The following TOR3A variants were observed in gnomAD, a reference collection of about 807,000 sequenced individuals.
The protein encoded by TOR3A is torsin-3A.
A neutral mutation model predicts 42.1 loss-of-function variants in TOR3A; 44 were observed. The ratio of observed to expected loss-of-function variants is 1.04; its 90% CI spans 0.82 to 1.34. TOR3A has a LOEUF of 1.34. TOR3A is among the 40% of genes most tolerant of loss of function. The pLI is 0.00. For missense variants in TOR3A, 521 were observed against 507.6 expected (o/e 1.03, Z -0.25); for synonymous variants, 227 against 213.2 (o/e 1.06, Z -0.57).
At chr1:179,085,962 G>A in intron 3 of TOR3A, 69 bp downstream of exon 3, 1 of 1,560,636 alleles carries the variant, frequency 6.4e-7, no homozygotes, top group Non-Finnish European at 8.7e-7. Context: ...GCCCTTCCTT[G>A]CAAGGAAATG....
At position 179,087,949 on chromosome 1, in the gene TOR3A, C is replaced by T. The variant is rs1652478257; in HGVS notation, c.678C>T (p.Leu226=). Residue 226 remains leucine (L), a synonymous_variant, in exon 4 of 6, where the codon CTC becomes CTT. Transcript: ENST00000367627. ...GCCAGATCCGGGAGACGCAGCAGCT[C>T]TGCCACCAGACCCTGTTCATCTTCG... ...LMSQIRETQQ[L]CHQTLFIFDE... is the part of the protein sequence containing the mutation. 1 of 1,607,736 alleles carries T rather than the reference C, an allele frequency of 6.2e-7. No individual in the cohort carries two copies. Among genetic ancestry groups the T allele is most frequent in the African/African-American group, 1.3e-5 (1 of 74,632 alleles).
chr1:179,082,901 G>A, intron 1 of TOR3A, 39 bp from the exon 2 acceptor site: 3 of 1,376,398 alleles, frequency 2.2e-6, no homozygotes, highest in Non-Finnish European at 3.0e-6. Context: ...TAGAGCACCG[G>A]ATGGTCTCCT....
At position 179,086,493 on chromosome 1, in the gene TOR3A, C is replaced by T. The variant is rs752308301; in HGVS notation, c.639+600C>T. The stretch of plus-strand genomic sequence containing the variant: ...CATCCTGGCTAACACGGTGAAACCC[C>T]GTCTCTACTAAAAATACAAAAACTT... On this transcript the variant is annotated intron_variant, in intron 3 of 5. Transcript: ENST00000367627. Among the ~76,000 whole-genome samples the T allele has an allele frequency of 7.3e-4, 111 of 152,046 alleles. 1 individual carries two copies. The highest frequency in any genetic ancestry group is 2.8e-4 in the Non-Finnish European group (19 of 68,002).
Position 179,090,106 on chromosome 1 carries a change from C to CG in TOR3A, c.818+2021dup, listed in dbSNP as rs1454052216. ...CTGTCCGAGGCCATGTGGTTGTGGG[C>CG]GGGGTGGGGGGGGGGGCCTGCGGGA... On this transcript the variant is annotated intron_variant, in intron 4 of 5. Coordinates refer to ENST00000367627, the MANE Select transcript of TOR3A (RefSeq NM_022371.4). Among the ~76,000 whole-genome samples, 115 of 17,628 alleles carry CG rather than the reference C, an allele frequency of 6.5e-3. 1 individual carries two copies. The highest frequency in any genetic ancestry group is 0.033 in the African/African-American group (108 of 3,302). The allele number at this position is 17,628 out of a possible 152,430, so 11.6% of individuals were successfully genotyped here. A position where few individuals can be genotyped will look rare whatever the true frequency, so the allele number is the denominator to read the frequency against.
At chr1:179,083,610 C>T (rs2102541212) in intron 2 of TOR3A, among the ~76,000 whole-genome samples, 1 of 142,046 alleles carries the variant, frequency 7.0e-6, no homozygotes, top group African/African-American at 2.5e-5. Context: ...CGGGTTTCAC[C>T]ATGTTGGCCA....
rs918747424 is a variant in TOR3A at position 179,082,597 on chromosome 1, C to A, written c.259+210C>A. ...CCCCACCCGCGTCCCCTGCGCACCCCCCTGGCGCCCGGCTTCCCGTCCCCC... is the reference window on the plus strand; with the variant it reads ...CCCCACCCGCGTCCCCTGCGCACCCACCTGGCGCCCGGCTTCCCGTCCCCC... On this transcript the variant is annotated intron_variant, in intron 1 of 5. Transcript: ENST00000367627. The A allele has an allele frequency of 1.4e-5, 11 of 779,958 alleles. No individual in the cohort carries two copies. In the East Asian group the frequency reaches 2.1e-4, roughly 15 times the overall value. The allele number at this position is 779,958 out of a possible 1,614,324, so 48.3% of individuals were successfully genotyped here. A position where few individuals can be genotyped will look rare whatever the true frequency, so the allele number is the denominator to read the frequency against.
intron 5 of TOR3A, 56 bp downstream of exon 5, chr1:179,094,273 G>GTGTT (rs1489804211): frequency 1.3e-6 from 2 of 1,570,308 alleles, no homozygotes; most frequent in African/African-American, 1.4e-5. Context: ...GATAATTAAT[G>GTGTT]TGTTTGTTGG....
At chr1:179,092,313 T>TG (rs2102546233) in intron 4 of TOR3A, among the ~76,000 whole-genome samples, 3 of 152,272 alleles carry the variant, frequency 2.0e-5, no homozygotes, top group South Asian at 4.1e-4. Flanking sequence ...GTAGGTGTCA[T>TG]GGGGGCTTTC....
chr1:179,082,070 G>A lies in TOR3A; in HGVS notation c.-59G>A, dbSNP rs1427279036. The stretch of plus-strand genomic sequence containing the variant: ...AGTGCGGTCCCCGCCTGACCGCCCC[G>A]GGCTTAAGGGAGCCTGGCTAGGCCG... On this transcript the variant is annotated 5_prime_UTR_variant, in exon 1 of 6. Transcript: ENST00000367627. 2.2e-5 allele frequency: 31 copies of A among 1,400,858 alleles called. No individual in the cohort carries two copies. Among genetic ancestry groups the A allele is most frequent in the Non-Finnish European group, 2.8e-5 (30 of 1,087,896 alleles). The allele number at this position is 1,400,858 out of a possible 1,614,324, so 86.8% of individuals were successfully genotyped here.
chr1:179,093,371 C>G (rs753502288), intron 4 of TOR3A, among the ~76,000 whole-genome samples: 1 of 152,224 alleles, frequency 6.6e-6, no homozygotes, highest in Non-Finnish European at 1.5e-5. Flanking sequence ...TAAAACCAAA[C>G]TTTCATCTCC....
intron 2 of TOR3A, 25 bp downstream of exon 2, chr1:179,083,078 G>A (rs766460817): frequency 7.1e-7 from 1 of 1,412,280 alleles, no homozygotes; most frequent in Admixed American, 2.6e-5. Context: ...GGCTTCAAGG[G>A]GCTAGGGATC....
At position 179,085,754 on chromosome 1, in the gene TOR3A, G is replaced by T; in HGVS notation, c.500G>T (p.Gly167Val). The change falls in exon 3 of 6, where the codon GGC becomes GTC. Residue 167 changes from glycine (G) to valine (V), a missense_variant. Coordinates refer to ENST00000367627, the MANE Select transcript of TOR3A (RefSeq NM_022371.4). ...PEKALALSFH[G>V]WSGTGKNFVA... ...AAGGCCCTTGCTCTGTCGTTCCACG[G>T]CTGGTCTGGCACAGGCAAGAACTTC... 3 of 1,614,134 alleles carry T rather than the reference G, an allele frequency of 1.9e-6. No homozygotes were observed. Among genetic ancestry groups the T allele is most frequent in the South Asian group, 1.1e-5 (1 of 91,090 alleles).
Position 179,088,074 on chromosome 1 carries a change from T to C in TOR3A, c.803T>C (p.Ile268Thr). ...CACAGGGCTGAGTCTCCATGGACTA[T>C]CTTTCTGTTTCTCAGGTGGGTTCTG... is the stretch of plus-strand genomic sequence containing the variant. ...EGHRAESPWT[I>T]FLFLSNLRGD... Residue 268 changes from isoleucine (I) to threonine (T), a missense_variant, in exon 4 of 6, where the codon ATC becomes ACC. By Grantham distance (89) the Ile-to-Thr change is moderately conservative (BLOSUM62 -1). Transcript: ENST00000367627. 3.1e-6 allele frequency: 5 copies of C among 1,591,100 alleles called. No homozygotes were observed. In the South Asian group the frequency reaches 4.5e-5, roughly 14 times the overall value.
At position 179,087,939 on chromosome 1, in the gene TOR3A, C is replaced by T. The variant is rs778710743; in HGVS notation, c.668C>T (p.Thr223Met). 25 of 1,601,642 alleles carry T rather than the reference C, an allele frequency of 1.6e-5. No homozygotes were observed. In the African/African-American group the frequency reaches 2.0e-4, roughly 13 times the overall value. The change falls in exon 4 of 6, where the codon ACG (threonine) becomes ATG (methionine). Residue 223 changes from threonine to methionine, a missense_variant. By Grantham distance (81) the Thr-to-Met change is moderately conservative. Coordinates refer to ENST00000367627, the MANE Select transcript of TOR3A (RefSeq NM_022371.4). ...CAGCTGATGAGCCAGATCCGGGAGA[C>T]GCAGCAGCTCTGCCACCAGACCCTG... Reference protein sequence around the residue: ...KEQLMSQIRETQQLCHQTLFI... With the variant: ...KEQLMSQIREMQQLCHQTLFI...
intron 4 of TOR3A, among the ~76,000 whole-genome samples, chr1:179,093,232 C>T (rs1261690373): frequency 6.6e-6 from 1 of 152,178 alleles, no homozygotes; most frequent in Non-Finnish European, 1.5e-5. Flanking sequence ...ATCTTCTCTC[C>T]TTATCCCCTT....
chr1:179,092,718 G>T (rs1652623691), intron 4 of TOR3A, among the ~76,000 whole-genome samples: 1 of 152,178 alleles, frequency 6.6e-6, no homozygotes, highest in Non-Finnish European at 1.5e-5. Context: ...GCATGTGCCT[G>T]TAATCCCAGC....
chr1:179,082,093 C>G lies in TOR3A; in HGVS notation c.-36C>G. 1 of 1,432,892 alleles carries G rather than the reference C, an allele frequency of 7.0e-7. No homozygotes were observed. The highest frequency in any genetic ancestry group is 9.0e-7 in the Non-Finnish European group (1 of 1,105,648). 88.8% of individuals were successfully genotyped at this position (1,432,892 alleles called of 1,614,324 possible). A position where few individuals can be genotyped will look rare whatever the true frequency, so the allele number is the denominator to read the frequency against. ...CCGGGCTTAAGGGAGCCTGGCTAGGCCGGCAGCCGGATGGTCCCGCAGCTC... is the reference window on the plus strand; with the variant it reads ...CCGGGCTTAAGGGAGCCTGGCTAGGGCGGCAGCCGGATGGTCCCGCAGCTC... On this transcript the variant is annotated 5_prime_UTR_variant, in exon 1 of 6. Coordinates refer to ENST00000367627, the MANE Select transcript of TOR3A (RefSeq NM_022371.4).
chr1:179,094,291 G>A, intron 5 of TOR3A, 74 bp downstream of exon 5: 1 of 1,537,418 alleles, frequency 6.5e-7, no homozygotes, highest in South Asian at 1.2e-5. Flanking sequence ...TGGAATGTGT[G>A]TTTATGAAGC....
At chr1:179,086,075 C>A (rs1331912845) in intron 3 of TOR3A, among the ~76,000 whole-genome samples, 182 bp downstream of exon 3, 1 of 152,184 alleles carries the variant, frequency 6.6e-6, no homozygotes, top group Admixed American at 6.5e-5. Context: ...AAGAGACTGG[C>A]GTTCCAAACA....
Sources: gnomAD v4.1 joint callset for allele counts (sites outside exome capture counted in the v4.1 genomes callset) on GRCh38, gnomAD v4.1.1 for gene constraint, MANE v1.5 for transcripts, NCBI Gene and HGNC (gene_info 2026-07-23, HGNC 2026-07-21) for gene names.